DAB1: variants seen among roughly 807,000 people sequenced by gnomAD.
DAB1 encodes DAB adaptor protein 1.
DAB1 carries 15 observed loss-of-function variants against 64.6 expected under a neutral mutation model. The observed-to-expected ratio is 0.23, with a 90% CI of 0.16 to 0.36. The LOEUF is 0.36. Among genes scored for constraint, DAB1 ranks in the 10% least tolerant of loss-of-function variants. The probability of loss-of-function intolerance (pLI) is 1.00; values close to 1 mark genes in which losing one functional copy is unlikely to be tolerated. For missense variants in DAB1, 596 were observed against 706.7 expected, an observed-to-expected ratio of 0.84 and a Z score of 1.78; for synonymous variants, 235 against 251.9, an observed-to-expected ratio of 0.93 and a Z score of 0.64.
intron 1 of DAB1, among the ~76,000 whole-genome samples, chr1:57,881,828 C>T (rs1435938373): frequency 6.6e-6 from 1 of 152,130 alleles, no homozygotes; most frequent in East Asian, 1.9e-4. Flanking sequence ...ACCCACTGTG[C>T]TCATCACCAC....
chr1:57,615,764 C>T (rs1169499538), intron 7 of DAB1, among the ~76,000 whole-genome samples: 3 of 152,210 alleles, frequency 2.0e-5, no homozygotes, highest in Admixed American at 6.5e-5. Flanking sequence ...CTTAGTGATA[C>T]TGCAAACACA....
At chr1:58,283,141 C>A (rs1291397978) in intron 4 of DAB1, among the ~76,000 whole-genome samples, 1 of 152,064 alleles carries the variant, frequency 6.6e-6, no homozygotes, top group African/African-American at 2.4e-5. Context: ...CCCCACCCCC[C>A]AAGCCCCAGC....
At chr1:57,795,330 CT>C (rs1398504463) in intron 6 of DAB1, among the ~76,000 whole-genome samples, 2 of 152,048 alleles carry the variant, frequency 1.3e-5, no homozygotes, top group African/African-American at 2.4e-5. Context: ...CACTAGAACT[CT>C]TTTTCCTTTT....
In DAB1 at chr1:57,260,605, T is replaced by C. The variant is rs371235318; in HGVS notation, c.67+30359A>G. Among the ~76,000 whole-genome samples, 92 of 152,292 alleles carry C rather than the reference T, an allele frequency of 6.0e-4. 1 individual carries two copies. The South Asian group carries it at 0.017, about 27-fold the overall frequency. ...ACACAAACCCCACAGATCCTGAGGC[T>C]GCATGGCACAGAAAAGAGCCTTTAC... On this transcript the variant is annotated intron_variant, in intron 2 of 14. Transcript: ENST00000371236.
intron 3 of DAB1, among the ~76,000 whole-genome samples, chr1:58,429,204 A>G (rs1317946483): frequency 1.3e-5 from 2 of 152,200 alleles, no homozygotes; most frequent in African/African-American, 4.8e-5. Context: ...ACAGGAGTTC[A>G]AGACTAACAT....
chr1:57,391,341 A>AAGG (rs1350921694), intron 1 of DAB1, among the ~76,000 whole-genome samples: 1 of 152,174 alleles, frequency 6.6e-6, no homozygotes, highest in African/African-American at 2.4e-5. Context: ...ATTTTGTTGC[A>AAGG]AGGATATAGC....
At position 57,010,772 on chromosome 1, in the gene DAB1, A is replaced by G; in HGVS notation, c.1591T>C (p.Ser531Pro). ...EQEAPDGSQA[S>P]SNSDPFGEPS... ...TCACCAAATGGATCACTGTTGGATG[A>G]GGCCTGTGATCCATCAGGCTAGAAC... Residue 531 changes from serine to proline, a missense_variant, in exon 14 of 15, where the codon TCA becomes CCA. Coordinates refer to ENST00000371236, the MANE Select transcript of DAB1 (RefSeq NM_001365792.1). 1 of 1,584,314 alleles carries G rather than the reference A, an allele frequency of 6.3e-7. No individual in the cohort carries two copies. Among genetic ancestry groups the G allele is most frequent in the Non-Finnish European group, 8.6e-7 (1 of 1,163,734 alleles).
chr1:58,086,066 C>T lies in DAB1; in HGVS notation n.387+64445G>A, dbSNP rs1037493789. Among the ~76,000 whole-genome samples the T allele has an allele frequency of 3.3e-5, 5 of 149,276 alleles. 1 individual carries two copies. In the South Asian group the frequency reaches 1.1e-3, roughly 33 times the overall value. ...GCAAGCTCCGCCTCCCAGGTTCACG[C>T]CATTCTCCTGCCTCAGCCTCCCAAG... On this transcript the variant is annotated intron_variant and non_coding_transcript_variant, in intron 5 of 20. Transcript: ENST00000485760.
intron 5 of DAB1, among the ~76,000 whole-genome samples, chr1:57,918,299 G>C (rs897203641): frequency 6.6e-6 from 1 of 152,026 alleles, no homozygotes; most frequent in Admixed American, 6.6e-5. Context: ...TCTGAGACTG[G>C]GTATTTTGTA....
At chr1:57,019,359 T>C (rs536497741) in intron 11 of DAB1, among the ~76,000 whole-genome samples, 10 of 152,160 alleles carry the variant, frequency 6.6e-5, no homozygotes, top group Non-Finnish European at 1.3e-4. Flanking sequence ...CCATCTTTTA[T>C]TTTTTTTCCA....
At chr1:58,504,690 CCTAA>C (rs1311831719) in intron 3 of DAB1, among the ~76,000 whole-genome samples, 4 of 152,172 alleles carry the variant, frequency 2.6e-5, no homozygotes, top group Non-Finnish European at 4.4e-5. Context: ...TATCGATCTA[CCTAA>C]TGAATGAATA....
chr1:58,059,789 AT>A (rs1394186703), intron 5 of DAB1, among the ~76,000 whole-genome samples: 1 of 152,148 alleles, frequency 6.6e-6, no homozygotes, highest in Non-Finnish European at 1.5e-5. Context: ...CATCATTTTC[AT>A]TTCACAAGAA....
intron 4 of DAB1, among the ~76,000 whole-genome samples, chr1:58,238,553 C>G (rs978999961): frequency 1.3e-5 from 2 of 152,110 alleles, no homozygotes; most frequent in African/African-American, 4.8e-5. Context: ...CAAGGAGGGA[C>G]TTTTATGCCA....
chr1:57,611,100 C>T (rs1011999043), intron 7 of DAB1, among the ~76,000 whole-genome samples: 1 of 149,734 alleles, frequency 6.7e-6, no homozygotes, highest in Non-Finnish European at 1.5e-5. Context: ...CAATTCTGCT[C>T]AGCTATCTCA....
intron 9 of DAB1, among the ~76,000 whole-genome samples, chr1:57,062,047 C>A (rs1401772214): frequency 1.3e-5 from 2 of 152,192 alleles, no homozygotes; most frequent in Non-Finnish European, 2.9e-5. Context: ...CGAGAGCTGC[C>A]TGAATTATGT....
At chr1:58,049,184 T>G in intron 5 of DAB1, 1 of 769,918 alleles carries the variant, frequency 1.3e-6, no homozygotes, top group Non-Finnish European at 2.4e-6. Context: ...GCGTTCCCTA[T>G]TGCTCAAAAT....
At chr1:57,595,789 T>A (rs1645501638) in intron 7 of DAB1, among the ~76,000 whole-genome samples, 1 of 152,088 alleles carries the variant, frequency 6.6e-6, no homozygotes. Context: ...TCAGGTTGTT[T>A]AGAAATGTGT....
downstream of DAB1, among the ~76,000 whole-genome samples, chr1:57,821,891 T>C (rs187054748): frequency 4.7e-4 from 71 of 152,344 alleles, no homozygotes; most frequent in Middle Eastern, 0.01. Flanking sequence ...GGTACTCTGA[T>C]GAGGACTTAA....
intron 5 of DAB1, among the ~76,000 whole-genome samples, chr1:57,939,703 A>G (rs921029164): frequency 6.6e-6 from 1 of 152,184 alleles, no homozygotes; most frequent in Non-Finnish European, 1.5e-5. Flanking sequence ...AGGATGTTGA[A>G]CAAATTTGTG....
Sources: allele counts gnomAD v4.1 joint callset (sites outside exome capture counted in the v4.1 genomes callset), GRCh38; gene constraint gnomAD v4.1.1; transcripts MANE v1.5; gene names NCBI Gene and HGNC (gene_info 2026-07-23, HGNC 2026-07-21).